DMD: variants seen among roughly 807,000 people sequenced by gnomAD.
DMD encodes dystrophin, also known as mutant dystrophin.
Under a neutral mutation model 330.1 loss-of-function variants are expected in DMD, and 63 were observed. The ratio of observed to expected loss-of-function variants is 0.19; its 90% CI spans 0.16 to 0.24. DMD has a LOEUF of 0.24. DMD is among the 10% of genes least tolerant of loss of function. DMD has a pLI of 1.00. For synonymous variants in DMD, 1,223 were observed against 959.8 expected, an observed-to-expected ratio of 1.27 and a Z score of -5.07; for missense variants, 3,344 against 2,684.1, an observed-to-expected ratio of 1.25 and a Z score of -5.43.
Position 32,816,638 on chromosome X carries a change from G to T in DMD, c.360C>A (p.Val120=), listed in dbSNP as rs779000587. ...LIWNIILHWQ[V]KNVMKNIMAG... is the part of the protein sequence containing the mutation. ...CCATGATATTTTTCATTACATTTTT[G>T]ACCTACATGTGGAAATAAATTTTCA... Residue 120 remains valine, a splice_region_variant and synonymous_variant, in exon 6 of 79, where the codon GTC becomes GTA. Transcript: ENST00000357033. 8.3e-7 allele frequency: 1 copy of T among 1,210,122 alleles called. No individual in the cohort carries two copies. The highest frequency in any genetic ancestry group is 3.0e-5 in the East Asian group (1 of 33,795).
intron 44 of DMD, among the ~76,000 whole-genome samples, chrX:32,034,569 G>A (rs939983716): frequency 9.0e-6 from 1 of 111,290 alleles, no homozygotes; most frequent in Non-Finnish European, 1.9e-5. Flanking sequence ...TGTAGAAAAC[G>A]TATATGCTGA....
chrX:32,256,810 T>C (rs773044490), intron 43 of DMD, among the ~76,000 whole-genome samples: 1 of 111,262 alleles, frequency 9.0e-6, no homozygotes. Flanking sequence ...GGGTTGAAAA[T>C]TCCCTTATTG....
intron 54 of DMD, among the ~76,000 whole-genome samples, chrX:31,648,661 A>T: frequency 1.0e-5 from 1 of 95,310 alleles, no homozygotes; most frequent in East Asian, 3.3e-4. Flanking sequence ...AAAAAAAAAA[A>T]AAATCTGCTA....
intron 60 of DMD, among the ~76,000 whole-genome samples, chrX:31,355,510 A>G (rs1174440131): frequency 8.9e-6 from 1 of 112,501 alleles, no homozygotes; most frequent in East Asian, 2.8e-4. Flanking sequence ...AAATGAGCCT[A>G]TTAAAACAAA....
chrX:31,827,625 T>A (rs1603482480), intron 49 of DMD, among the ~76,000 whole-genome samples: 1 of 111,990 alleles, frequency 8.9e-6, no homozygotes, highest in East Asian at 2.8e-4. Context: ...GAATATACAT[T>A]CTTATCAGCA....
chrX:31,246,699 G>A (rs1361230508), intron 63 of DMD, among the ~76,000 whole-genome samples: 8 of 111,487 alleles, frequency 7.2e-5, no homozygotes, highest in African/African-American at 2.0e-4. Context: ...AGGCTGAGGC[G>A]GGCAGATCAC....
intron 16 of DMD, among the ~76,000 whole-genome samples, chrX:32,547,793 A>G (rs1224503116): frequency 1.8e-5 from 2 of 111,292 alleles, no homozygotes; most frequent in Non-Finnish European, 3.8e-5. Context: ...CTGAAACAGA[A>G]AGCTCCTTTC....
intron 18 of DMD, among the ~76,000 whole-genome samples, chrX:32,508,589 G>C (rs759872365): frequency 1.8e-5 from 2 of 111,154 alleles, no homozygotes; most frequent in South Asian, 7.7e-4. Context: ...ATGTAAAATA[G>C]CAATAAAGAT....
intron 48 of DMD, among the ~76,000 whole-genome samples, chrX:31,845,960 C>T (rs2093419078): frequency 9.0e-6 from 1 of 110,783 alleles, no homozygotes; most frequent in African/African-American, 3.3e-5. Flanking sequence ...CAATATTGTC[C>T]CAGTGATACT....
At chrX:31,573,236 C>T (rs1237909314) in intron 55 of DMD, among the ~76,000 whole-genome samples, 5 of 111,632 alleles carry the variant, frequency 4.5e-5, no homozygotes, top group Non-Finnish European at 9.4e-5. Context: ...TTCCTCACTA[C>T]TTTTTTACTG....
At chrX:31,944,532 C>T (rs2095057804) in intron 45 of DMD, among the ~76,000 whole-genome samples, 1 of 104,631 alleles carries the variant, frequency 9.6e-6, no homozygotes, top group Admixed American at 1.0e-4. Flanking sequence ...GGCTGGAGTG[C>T]AGTGGTGCGA....
intron 13 of DMD, among the ~76,000 whole-genome samples, chrX:32,574,763 A>G (rs1601817790): frequency 9.0e-6 from 1 of 110,816 alleles, no homozygotes; most frequent in East Asian, 2.8e-4. Flanking sequence ...ATATTTTTGA[A>G]AAATCTACTC....
intron 44 of DMD, among the ~76,000 whole-genome samples, chrX:32,096,703 A>G (rs1227567804): frequency 9.0e-6 from 1 of 111,525 alleles, no homozygotes; most frequent in East Asian, 2.8e-4. Flanking sequence ...CAGGTAGGTG[A>G]GGTTCTGAGT....
chrX:32,500,352 GAA>G (rs2043928217), intron 19 of DMD, among the ~76,000 whole-genome samples: 1 of 111,637 alleles, frequency 9.0e-6, no homozygotes, highest in Non-Finnish European at 1.9e-5. Context: ...AAATAATCAA[GAA>G]AATTAATATT....
chrX:32,304,753 G>A (rs2097534569), intron 42 of DMD, among the ~76,000 whole-genome samples: 1 of 111,185 alleles, frequency 9.0e-6, no homozygotes, highest in African/African-American at 3.3e-5. Flanking sequence ...CCAAATAAAT[G>A]TGTTGAAAAA....
At chrX:33,095,510 T>A (rs1166413334) in intron 1 of DMD, among the ~76,000 whole-genome samples, 3 of 112,244 alleles carry the variant, frequency 2.7e-5, no homozygotes, top group Non-Finnish European at 5.6e-5. Flanking sequence ...CATGTTGTGT[T>A]TACAGGAAGT....
At chrX:31,128,911 T>A (rs2034107613) in intron 77 of DMD, among the ~76,000 whole-genome samples, 1 of 112,485 alleles carries the variant, frequency 8.9e-6, no homozygotes. Context: ...AGAGGCTACT[T>A]GATTACAACA....
In DMD at chrX:32,657,015, G is replaced by GTGTT. The variant is rs1386413987; in HGVS notation, c.961-11864_961-11863insAACA. On this transcript the variant is annotated intron_variant, in intron 9 of 78. Transcript: ENST00000357033. ...ATATATAGTATACCAACTTATATGT[G>GTGTT]TGTGTGTGTGTGTGTGTGTGTGTGT... Among the ~76,000 whole-genome samples, 31 of 107,420 alleles carry GTGTT rather than the reference G, an allele frequency of 2.9e-4. 1 individual carries two copies. Among genetic ancestry groups the GTGTT allele is most frequent in the African/African-American group, 1.1e-3 (31 of 28,218 alleles). 93.3% of individuals were successfully genotyped at this position (107,420 alleles called of 115,157 possible). A position where few individuals can be genotyped will look rare whatever the true frequency, so the allele number is the denominator to read the frequency against.
chrX:32,305,490 C>T (rs1178573336), intron 42 of DMD, among the ~76,000 whole-genome samples: 1 of 111,176 alleles, frequency 9.0e-6, no homozygotes, highest in Admixed American at 9.6e-5. Flanking sequence ...TTCTGTATGA[C>T]CAGAGAAATA....
Sources: allele counts gnomAD v4.1 joint callset (sites outside exome capture counted in the v4.1 genomes callset), GRCh38; gene constraint gnomAD v4.1.1; transcripts MANE v1.5; gene names NCBI Gene and HGNC (gene_info 2026-07-23, HGNC 2026-07-21).